The following KAT6B variants were observed in gnomAD, a reference collection of about 807,000 sequenced individuals.
KAT6B encodes the protein histone acetyltransferase KAT6B.
A neutral mutation model predicts 187.5 loss-of-function variants in KAT6B; 10 were observed. The observed-to-expected ratio is 0.05, with a 90% confidence interval of 0.03 to 0.09. The LOEUF (loss-of-function observed/expected upper bound fraction) is 0.09. KAT6B is among the 10% of genes least tolerant of loss of function. The pLI is 1.00. For synonymous variants in KAT6B, 861 were observed against 926.8 expected (o/e 0.93, Z 1.29); for missense variants, 1,952 against 2,558.9 (o/e 0.76, Z 5.12).
intron 3 of KAT6B, among the ~76,000 whole-genome samples, chr10:74,900,247 T>C (rs1362826180): frequency 1.3e-5 from 2 of 152,228 alleles, no homozygotes; most frequent in East Asian, 3.8e-4. Flanking sequence ...CTTGTCTATA[T>C]TGAACTAATT....
chr10:74,877,576 C>T (rs1464788883), intron 3 of KAT6B, among the ~76,000 whole-genome samples: 2 of 151,842 alleles, frequency 1.3e-5, no homozygotes, highest in Non-Finnish European at 2.9e-5. Context: ...TTTTACATTG[C>T]TTAGTTTGTT....
chr10:74,868,589 C>T (rs1843704046), intron 3 of KAT6B, among the ~76,000 whole-genome samples: 1 of 152,296 alleles, frequency 6.6e-6, no homozygotes, highest in Admixed American at 6.5e-5. Context: ...AGAGAGAAAT[C>T]ATTTAACAGT....
rs1039615657 is a variant in KAT6B at position 74,969,514 on chromosome 10, T to C, written c.731-146T>C. On this transcript the variant is annotated intron_variant, in intron 4 of 17. Coordinates refer to ENST00000287239, the MANE Select transcript of KAT6B (RefSeq NM_012330.4). ...AAAAGGCAGAAAGGAAAATCTGTAA[T>C]TCGGATTCTCTGATCTGTTGGCATT... 3 of 669,784 alleles carry C rather than the reference T, an allele frequency of 4.5e-6. No individual in the cohort carries two copies. In the African/African-American group the frequency reaches 5.4e-5, roughly 12 times the overall value. 41.5% of individuals were successfully genotyped at this position (669,784 alleles called of 1,614,324 possible).
At chr10:74,977,052 C>T in intron 8 of KAT6B, 1 of 366,612 alleles carries the variant, frequency 2.7e-6, no homozygotes, top group East Asian at 5.9e-5. Flanking sequence ...TATGATTTCA[C>T]TTTGTATTGC....
chr10:74,959,292 A>G (rs1356301167), intron 3 of KAT6B, among the ~76,000 whole-genome samples: 1 of 152,146 alleles, frequency 6.6e-6, no homozygotes, highest in East Asian at 1.9e-4. Context: ...ATATTTAATA[A>G]AGTCTTAACA....
At chr10:74,878,040 G>A (rs1844553004) in intron 3 of KAT6B, among the ~76,000 whole-genome samples, 2 of 152,140 alleles carry the variant, frequency 1.3e-5, no homozygotes, top group South Asian at 4.1e-4. Context: ...TGTCCAAGTA[G>A]GCATTTCTCA....
intron 3 of KAT6B, among the ~76,000 whole-genome samples, chr10:74,949,622 T>C (rs1200115404): frequency 6.6e-6 from 1 of 152,210 alleles, no homozygotes; most frequent in East Asian, 1.9e-4. Context: ...TTCAATTAAG[T>C]CCACACAATT....
chr10:74,926,857 C>T (rs988186376), intron 3 of KAT6B, among the ~76,000 whole-genome samples: 5 of 152,222 alleles, frequency 3.3e-5, no homozygotes, highest in Non-Finnish European at 7.3e-5. Flanking sequence ...TCCCAGGAAA[C>T]AGCTGAAGGA....
intron 3 of KAT6B, among the ~76,000 whole-genome samples, chr10:74,879,788 T>C (rs1844717386): frequency 6.6e-6 from 1 of 152,110 alleles, no homozygotes; most frequent in African/African-American, 2.4e-5. Flanking sequence ...AGTGTTTAGA[T>C]ACGTTATTGT....
chr10:74,832,123 T>C (rs965651093), intron 1 of KAT6B, among the ~76,000 whole-genome samples: 2 of 152,204 alleles, frequency 1.3e-5, no homozygotes, highest in African/African-American at 4.8e-5. Flanking sequence ...TGACAGAAGG[T>C]CTGTTAACCC....
intron 3 of KAT6B, among the ~76,000 whole-genome samples, chr10:74,904,888 T>C (rs939171587): frequency 6.6e-6 from 1 of 152,170 alleles, no homozygotes; most frequent in African/African-American, 2.4e-5. Context: ...AGCAGTGGCC[T>C]CTATTTGTAG....
At chr10:74,844,701 A>G (rs1841976332) in intron 3 of KAT6B, among the ~76,000 whole-genome samples, 1 of 152,160 alleles carries the variant, frequency 6.6e-6, no homozygotes, top group Non-Finnish European at 1.5e-5. Context: ...AATTCTCCTT[A>G]CATTACTGCT....
chr10:75,005,430 C>T (rs1205665088), intron 13 of KAT6B, among the ~76,000 whole-genome samples: 3 of 151,900 alleles, frequency 2.0e-5, no homozygotes, highest in African/African-American at 7.3e-5. Context: ...GTTGCCCAGG[C>T]TGGTCTCAAA....
chr10:74,927,143 A>G (rs1848564446), intron 3 of KAT6B, among the ~76,000 whole-genome samples: 1 of 152,222 alleles, frequency 6.6e-6, no homozygotes. Flanking sequence ...ATGTTGATGT[A>G]ATGAACAGTT....
intron 3 of KAT6B, among the ~76,000 whole-genome samples, chr10:74,900,792 G>A (rs1046907370): frequency 1.3e-5 from 2 of 152,174 alleles, no homozygotes; most frequent in South Asian, 2.1e-4. Flanking sequence ...ACAAAACAGC[G>A]TAAGAATTAT....
intron 1 of KAT6B, among the ~76,000 whole-genome samples, chr10:74,828,720 A>T (rs1437224190): frequency 2.0e-5 from 3 of 151,740 alleles, no homozygotes; most frequent in African/African-American, 7.3e-5. Context: ...GGCGCCTGCC[A>T]CCACGCCCCG....
intron 3 of KAT6B, among the ~76,000 whole-genome samples, chr10:74,910,876 G>GAAAAATGAT (rs1847155664): frequency 1.3e-5 from 2 of 152,240 alleles, no homozygotes; most frequent in South Asian, 2.1e-4. Context: ...CCGATCTTGG[G>GAAAAATGAT]CTTGAGGTAT....
chr10:74,893,104 G>C (rs1453500973), intron 3 of KAT6B, among the ~76,000 whole-genome samples: 1 of 152,242 alleles, frequency 6.6e-6, no homozygotes, highest in Non-Finnish European at 1.5e-5. Context: ...GCTGAGAGGA[G>C]ACTGAGAGCT....
intron 3 of KAT6B, among the ~76,000 whole-genome samples, chr10:74,891,387 C>T (rs943382181): frequency 6.6e-5 from 10 of 152,196 alleles, no homozygotes; most frequent in African/African-American, 2.4e-4. Context: ...GTGGTGGCAA[C>T]TCTTGAGTTT....
Sources: gnomAD v4.1 joint callset for allele counts (sites outside exome capture counted in the v4.1 genomes callset) on GRCh38, gnomAD v4.1.1 for gene constraint, MANE v1.5 for transcripts, NCBI Gene and HGNC (gene_info 2026-07-23, HGNC 2026-07-21) for gene names.